The following FRMD4B variants were observed in gnomAD, a reference collection of about 807,000 sequenced individuals.
FRMD4B encodes the protein FERM domain-containing protein 4B.
A neutral mutation model predicts 141.5 loss-of-function variants in FRMD4B; 74 were observed. The observed-to-expected ratio is 0.52, with a 90% CI of 0.43 to 0.63. The LOEUF (loss-of-function observed/expected upper bound fraction) is 0.63, where lower values mean the gene tolerates loss of function less well. FRMD4B is among the 30% of genes least tolerant of loss of function. The pLI is 0.00. For synonymous variants in FRMD4B, 506 were observed against 467.9 expected, an observed-to-expected ratio of 1.08 and a Z score of -1.05; for missense variants, 1,366 against 1,253.4, an observed-to-expected ratio of 1.09 and a Z score of -1.36.
At position 69,418,213 on chromosome 3, in the gene FRMD4B, T is replaced by G. The variant is rs114869997; in HGVS notation, c.-1+14421A>C. ...ATACACACAGGCATATGCTCATACA[T>G]TATAACTAATAACACATGTTTACCA... On this transcript the variant is annotated intron_variant, in intron 2 of 5. Transcript: ENST00000459638. Among the ~76,000 whole-genome samples the G allele has an allele frequency of 3.4e-3, 524 of 152,290 alleles. 4 individuals are homozygous for G. Among genetic ancestry groups the G allele is most frequent in the African/African-American group, 0.012 (507 of 41,560 alleles).
At chr3:69,542,183 G>C (rs1347565816) in intron 1 of FRMD4B, 1 of 152,096 alleles carries the variant, frequency 6.6e-6, no homozygotes, top group Non-Finnish European at 1.5e-5. Flanking sequence ...CGCTTGGGGA[G>C]CCCGGGGCGG....
chr3:69,289,570 C>T (rs1416936404), intron 4 of FRMD4B, among the ~76,000 whole-genome samples: 2 of 152,110 alleles, frequency 1.3e-5, no homozygotes, highest in Non-Finnish European at 2.9e-5. Flanking sequence ...CCGAGGCGGG[C>T]AGATCACTTG....
In FRMD4B at chr3:69,460,552, G is replaced by A. The variant is rs559203615; in HGVS notation, c.-128-27791C>T. ...TGCACACCAGAATCTTCTGGAAAGCGTTTTAAAATATAGTTTGTTTTTGGC... is the reference window on the plus strand; with the variant it reads ...TGCACACCAGAATCTTCTGGAAAGCATTTTAAAATATAGTTTGTTTTTGGC... On this transcript the variant is annotated intron_variant, in intron 1 of 5. Coordinates refer to the FRMD4B transcript ENST00000459638. 1.4e-3 allele frequency among the ~76,000 whole-genome samples: 208 copies of A among 152,238 alleles called. 1 individual carries two copies. Among genetic ancestry groups the A allele is most frequent in the African/African-American group, 4.7e-3 (197 of 41,546 alleles).
At chr3:69,200,830 C>G (rs1200207507) in intron 11 of FRMD4B, 1 of 488,942 alleles carries the variant, frequency 2.0e-6, no homozygotes, top group Admixed American at 2.3e-5. Flanking sequence ...TGAACAGGTT[C>G]TACAGGAAGA....
intron 1 of FRMD4B, among the ~76,000 whole-genome samples, chr3:69,352,553 A>T (rs1318948665): frequency 6.6e-6 from 1 of 152,090 alleles, no homozygotes; most frequent in Admixed American, 6.6e-5. Flanking sequence ...TTTTACCCAG[A>T]TATTCCTCCC....
intron 19 of FRMD4B, among the ~76,000 whole-genome samples, chr3:69,187,480 G>A (rs1473384403): frequency 4.7e-5 from 7 of 149,592 alleles, no homozygotes; most frequent in South Asian, 2.1e-4. Context: ...CGGACGTTGC[G>A]GTGAGCTGGA....
At chr3:69,191,642 T>C (rs2092838981) in intron 17 of FRMD4B, among the ~76,000 whole-genome samples, 1 of 152,206 alleles carries the variant, frequency 6.6e-6, no homozygotes, top group South Asian at 2.1e-4. Flanking sequence ...AAGTGAACTA[T>C]CTCTATCAGA....
At chr3:69,462,383 G>A (rs900012926) in intron 1 of FRMD4B, among the ~76,000 whole-genome samples, 1 of 152,222 alleles carries the variant, frequency 6.6e-6, no homozygotes, top group African/African-American at 2.4e-5. Flanking sequence ...CCCATAGCAA[G>A]AAGCAGTTCA....
At chr3:69,179,521 A>T (rs1201490797) in intron 21 of FRMD4B, among the ~76,000 whole-genome samples, 1 of 152,244 alleles carries the variant, frequency 6.6e-6, no homozygotes, top group Non-Finnish European at 1.5e-5. Context: ...AATAGATGGG[A>T]CAGCCCTAGT....
rs151172187 is a variant in FRMD4B, at chr3:69,511,286, T to C, written c.-129+30920A>G. ...CCATGTTGGATAAGTTTTTTAAAAATCTTTTTAAACTGAAAAAGAATTTAT... is the reference window on the plus strand; with the variant it reads ...CCATGTTGGATAAGTTTTTTAAAAACCTTTTTAAACTGAAAAAGAATTTAT... On this transcript the variant is annotated intron_variant, in intron 1 of 5. Coordinates refer to the FRMD4B transcript ENST00000459638. 9.2e-3 allele frequency among the ~76,000 whole-genome samples: 1,403 copies of C among 152,304 alleles called. 26 individuals carry two copies. Among genetic ancestry groups the C allele is most frequent in the African/African-American group, 0.033 (1,354 of 41,560 alleles).
rs186941806 is a variant in FRMD4B at position 69,225,486 on chromosome 3, T to C, written c.582-796A>G. Reference sequence around the variant, plus strand: ...GTCAGGAGATTGAGACCATCCTGGCTAACACGGTGAAACCCTGTATCTACT... The same window carrying C: ...GTCAGGAGATTGAGACCATCCTGGCCAACACGGTGAAACCCTGTATCTACT... On this transcript the variant is annotated intron_variant, in intron 7 of 22. Coordinates refer to ENST00000398540, the MANE Select transcript of FRMD4B (RefSeq NM_015123.3). Among the ~76,000 whole-genome samples, 274 of 112,618 alleles carry C rather than the reference T, an allele frequency of 2.4e-3. 1 individual carries two copies. The highest frequency in any genetic ancestry group is 0.01 in the Middle Eastern group (1 of 98). The allele number at this position is 112,618 out of a possible 152,430, so 73.9% of individuals were successfully genotyped here.
intron 2 of FRMD4B, among the ~76,000 whole-genome samples, chr3:69,401,019 C>G (rs1372488829): frequency 6.6e-6 from 1 of 152,030 alleles, no homozygotes; most frequent in Non-Finnish European, 1.5e-5. Flanking sequence ...TTTGAATGCC[C>G]TTTTCCATAC....
intron 1 of FRMD4B, among the ~76,000 whole-genome samples, chr3:69,490,037 C>T (rs1026894781): frequency 7.9e-5 from 12 of 152,098 alleles, no homozygotes; most frequent in Admixed American, 2.0e-4. Flanking sequence ...GGAGATAGAA[C>T]GTGGACGAAT....
intron 19 of FRMD4B, among the ~76,000 whole-genome samples, chr3:69,185,070 G>A (rs1485342101): frequency 2.0e-5 from 3 of 152,052 alleles, no homozygotes; most frequent in South Asian, 2.1e-4. Flanking sequence ...TTGGGAGGCC[G>A]AGGTGGGTGG....
At position 69,181,467 on chromosome 3, in the gene FRMD4B, C is replaced by G. The variant is rs2092707373; in HGVS notation, c.2283G>C (p.Arg761Ser). The change falls in exon 21 of 23, where the codon AGG becomes AGC. Residue 761 changes from arginine to serine, a missense_variant. By Grantham distance (110) the Arg-to-Ser change is moderately radical. Coordinates refer to ENST00000398540, the MANE Select transcript of FRMD4B (RefSeq NM_015123.3). ...YTTQTLDTRT[R>S]GRRRSKKQNV... ...TCTGTTTCTTTGACCTCCTCCGACC[C>G]CTGGTGCGAGTGTCCAGGGTCTGGG... 1.2e-5 allele frequency: 19 copies of G among 1,613,866 alleles called. No homozygotes were observed. The highest frequency in any genetic ancestry group is 1.6e-5 in the Non-Finnish European group (19 of 1,179,846).
At chr3:69,383,169 C>A (rs767170344) in intron 1 of FRMD4B, among the ~76,000 whole-genome samples, 21 of 152,336 alleles carry the variant, frequency 1.4e-4, no homozygotes, top group Admixed American at 2.6e-4. Flanking sequence ...GTAAGATTAA[C>A]TTACCCACGG....
At chr3:69,386,146 G>T, upstream of FRMD4B, 1 of 662,572 alleles carries the variant, frequency 1.5e-6, no homozygotes, top group Non-Finnish European at 2.4e-6. Context: ...GTCCTGGCCA[G>T]GCTCCGGCGG....
intron 2 of FRMD4B, among the ~76,000 whole-genome samples, chr3:69,396,612 T>C (rs1704477900): frequency 6.6e-6 from 1 of 152,208 alleles, no homozygotes; most frequent in Admixed American, 6.5e-5. Context: ...TAATTAGTCA[T>C]TGAAGAAATG....
intron 1 of FRMD4B, among the ~76,000 whole-genome samples, chr3:69,503,377 C>T (rs145297424): frequency 0.022 from 3,295 of 152,024 alleles, 61 homozygotes; most frequent in Non-Finnish European, 0.036. Flanking sequence ...GAGTTCATGT[C>T]CTTTGTAGGG....
Sources: allele counts gnomAD v4.1 joint callset (sites outside exome capture counted in the v4.1 genomes callset), GRCh38; gene constraint gnomAD v4.1.1; transcripts MANE v1.5; gene names NCBI Gene and HGNC (gene_info 2026-07-23, HGNC 2026-07-21).